CDKAL1: variants seen among roughly 807,000 people sequenced by gnomAD.
CDKAL1 encodes threonylcarbamoyladenosine tRNA methylthiotransferase.
Under a neutral mutation model 68.2 loss-of-function variants are expected in CDKAL1, and 32 were observed. The observed-to-expected ratio is 0.47, with a 90% CI of 0.35 to 0.63. The LOEUF is 0.63. Ranked by LOEUF, CDKAL1 falls within the 30% of genes least tolerant of loss-of-function variation. The pLI is 0.00. For missense variants in CDKAL1, 606 were observed against 696.7 expected (o/e 0.87, Z 1.47); for synonymous variants, 234 against 244.3 (o/e 0.96, Z 0.39).
intron 9 of CDKAL1, among the ~76,000 whole-genome samples, chr6:20,951,036 A>G (rs1764504506): frequency 6.6e-6 from 1 of 151,962 alleles, no homozygotes; most frequent in Admixed American, 6.6e-5. Context: ...AGTGGGAGGT[A>G]GAGTTAGCAG....
At chr6:20,912,941 T>C (rs1188920301) in intron 9 of CDKAL1, among the ~76,000 whole-genome samples, 1 of 151,920 alleles carries the variant, frequency 6.6e-6, no homozygotes, top group South Asian at 2.1e-4. Flanking sequence ...AAGAAATATA[T>C]CAATTTATTG....
intron 4 of CDKAL1, among the ~76,000 whole-genome samples, chr6:20,567,737 G>A (rs1764517318): frequency 6.6e-6 from 1 of 152,008 alleles, no homozygotes; most frequent in Non-Finnish European, 1.5e-5. Flanking sequence ...ATTTAGAGAC[G>A]AGGTTTTACT....
intron 8 of CDKAL1, among the ~76,000 whole-genome samples, chr6:20,841,700 C>T (rs1049190034): frequency 6.6e-6 from 1 of 152,106 alleles, no homozygotes; most frequent in Non-Finnish European, 1.5e-5. Context: ...CTTGAGGGAC[C>T]CAGCCTGGGT....
chr6:20,827,648 T>C (rs1472536578), intron 8 of CDKAL1, among the ~76,000 whole-genome samples: 1 of 152,156 alleles, frequency 6.6e-6, no homozygotes, highest in Admixed American at 6.5e-5. Flanking sequence ...GACTAAGTTA[T>C]GTGGTTCTGC....
chr6:21,080,926 G>A (rs545013381), intron 12 of CDKAL1, among the ~76,000 whole-genome samples: 1 of 152,138 alleles, frequency 6.6e-6, no homozygotes, highest in Non-Finnish European at 1.5e-5. Flanking sequence ...AAAAATCAGG[G>A]ATGACTGTAC....
At chr6:21,117,634 T>C (rs1279951052) in intron 13 of CDKAL1, among the ~76,000 whole-genome samples, 1 of 152,102 alleles carries the variant, frequency 6.6e-6, no homozygotes, top group Non-Finnish European at 1.5e-5. Context: ...GAGACCCCTG[T>C]CTCAAAAAAA....
At chr6:20,782,960 T>G (rs1214053134) in intron 8 of CDKAL1, among the ~76,000 whole-genome samples, 2 of 152,122 alleles carry the variant, frequency 1.3e-5, no homozygotes, top group Non-Finnish European at 2.9e-5. Context: ...AGATGGAGTC[T>G]CCCTCTGTCA....
chr6:21,021,196 TACTTA>T (rs1768642107), intron 11 of CDKAL1, among the ~76,000 whole-genome samples: 2 of 152,342 alleles, frequency 1.3e-5, no homozygotes, highest in East Asian at 1.9e-4. Flanking sequence ...TGGACCAAAT[TACTTA>T]ACTTCTCTTA....
At chr6:20,687,170 G>A (rs1770666150) in intron 5 of CDKAL1, among the ~76,000 whole-genome samples, 1 of 151,932 alleles carries the variant, frequency 6.6e-6, no homozygotes, top group Non-Finnish European at 1.5e-5. Flanking sequence ...TGTGGTTTTG[G>A]TATTAGGATA....
chr6:20,875,037 C>T (rs912817811), intron 9 of CDKAL1, among the ~76,000 whole-genome samples: 4 of 151,984 alleles, frequency 2.6e-5, no homozygotes, highest in African/African-American at 7.2e-5. Flanking sequence ...CGGTGGCTCA[C>T]GCCTGTAATC....
intron 5 of CDKAL1, 72 bp from the exon 6 acceptor site, chr6:20,739,447 G>A (rs1773346388): frequency 3.6e-6 from 3 of 844,922 alleles, no homozygotes; most frequent in East Asian, 2.5e-5. Context: ...GAACTAATAT[G>A]CACTAACAAC....
At chr6:21,201,018 A>T in intron 14 of CDKAL1, 92 bp from the exon 15 acceptor site, 2 of 1,197,030 alleles carry the variant, frequency 1.7e-6, no homozygotes, top group Non-Finnish European at 2.4e-6. Flanking sequence ...AGCTCTCCAT[A>T]CTATCTTTGC....
chr6:20,635,836 A>G (rs1194014309), intron 4 of CDKAL1, among the ~76,000 whole-genome samples: 1 of 152,238 alleles, frequency 6.6e-6, no homozygotes, highest in Admixed American at 6.5e-5. Context: ...GTTTTATGTG[A>G]CATGGGAACT....
intron 9 of CDKAL1, among the ~76,000 whole-genome samples, chr6:20,858,815 T>A (rs1247704138): frequency 6.6e-6 from 1 of 152,116 alleles, no homozygotes; most frequent in African/African-American, 2.4e-5. Flanking sequence ...TAATGTATGA[T>A]CACAATTACT....
chr6:20,547,264 A>G (rs952113126), intron 3 of CDKAL1, among the ~76,000 whole-genome samples: 2 of 152,216 alleles, frequency 1.3e-5, no homozygotes, highest in Non-Finnish European at 2.9e-5. Context: ...GAGATGTCAA[A>G]TTGGATGTTC....
At chr6:21,194,373 C>A (rs541212416) in intron 13 of CDKAL1, among the ~76,000 whole-genome samples, 1 of 152,136 alleles carries the variant, frequency 6.6e-6, no homozygotes, top group Non-Finnish European at 1.5e-5. Context: ...CTGTCAGTGA[C>A]GGTGAGGCAG....
chr6:20,782,772 T>G (rs998208988), intron 8 of CDKAL1, among the ~76,000 whole-genome samples: 1 of 152,208 alleles, frequency 6.6e-6, no homozygotes, highest in Non-Finnish European at 1.5e-5. Flanking sequence ...AGGGATTTAA[T>G]GCATATTTAT....
chr6:20,617,502 T>C (rs1328927709), intron 4 of CDKAL1, among the ~76,000 whole-genome samples: 3 of 152,212 alleles, frequency 2.0e-5, no homozygotes, highest in Non-Finnish European at 4.4e-5. Context: ...TGTGCCATGT[T>C]GGTGTGCTGC....
intron 4 of CDKAL1, among the ~76,000 whole-genome samples, chr6:20,598,606 G>T (rs1342926727): frequency 6.6e-6 from 1 of 152,096 alleles, no homozygotes; most frequent in African/African-American, 2.4e-5. Context: ...TATCTATTGT[G>T]TTCATTAAAA....
Sources: gnomAD v4.1 joint callset for allele counts (sites outside exome capture counted in the v4.1 genomes callset) on GRCh38, gnomAD v4.1.1 for gene constraint, MANE v1.5 for transcripts, NCBI Gene and HGNC (gene_info 2026-07-23, HGNC 2026-07-21) for gene names.